Variants in GUCY2C observed in about 807,000 individuals in gnomAD.
The protein encoded by GUCY2C is guanylate cyclase 2C, also known as guanylyl cyclase C.
In GUCY2C, 118 loss-of-function variants were observed where a neutral mutation model predicts 131.1. The observed-to-expected ratio is 0.90, with a 90% confidence interval of 0.78 to 1.05. The LOEUF is 1.05. Ranked by LOEUF, GUCY2C falls within the 50% of genes least tolerant of loss-of-function variation. GUCY2C has a pLI of 0.00. For missense variants in GUCY2C, 1,161 were observed against 1,304.4 expected, an observed-to-expected ratio of 0.89 and a Z score of 1.69; for synonymous variants, 452 against 457.8, an observed-to-expected ratio of 0.99 and a Z score of 0.16.
intron 19 of GUCY2C, among the ~76,000 whole-genome samples, chr12:14,630,103 T>C (rs553475109): frequency 2.1e-4 from 32 of 152,008 alleles, no homozygotes; most frequent in Admixed American, 3.9e-4. Context: ...GCAGCTTTTT[T>C]TTTTTTAAAT....
At position 14,636,905 on chromosome 12, in the gene GUCY2C, A is replaced by G. The variant is rs938987203; in HGVS notation, c.2157+2957T>C. Among the ~76,000 whole-genome samples, 5 of 152,056 alleles carry G rather than the reference A, an allele frequency of 3.3e-5. No homozygotes were observed. The East Asian group carries it at 5.8e-4, about 18-fold the overall frequency. The stretch of plus-strand genomic sequence containing the variant: ...GGAGTTCGAGACAAGCCTGGGCAAC[A>G]TGGTGAAACCCCGTCTCTACTAAAA... On this transcript the variant is annotated intron_variant, in intron 19 of 26. Coordinates refer to ENST00000261170, the MANE Select transcript of GUCY2C (RefSeq NM_004963.4).
intron 19 of GUCY2C, among the ~76,000 whole-genome samples, chr12:14,633,194 T>C (rs1450420553): frequency 2.6e-5 from 4 of 152,138 alleles, no homozygotes; most frequent in Non-Finnish European, 5.9e-5. Context: ...CTGGCACCAG[T>C]GCCTCCAAGG....
chr12:14,616,840 C>A (rs1371859666), intron 24 of GUCY2C, 113 bp from the exon 25 acceptor site: 24 of 710,106 alleles, frequency 3.4e-5, no homozygotes, highest in Non-Finnish European at 7.7e-6. Flanking sequence ...CAAGAAGAAA[C>A]AATTGTGGCT....
chr12:14,640,653 G>A (rs1348056421), intron 18 of GUCY2C, among the ~76,000 whole-genome samples: 2 of 152,112 alleles, frequency 1.3e-5, no homozygotes, highest in Non-Finnish European at 2.9e-5. Context: ...TAAATGCTCA[G>A]TAAGTGAGGA....
At chr12:14,637,427 G>A (rs1947294295) in intron 19 of GUCY2C, among the ~76,000 whole-genome samples, 1 of 151,962 alleles carries the variant, frequency 6.6e-6, no homozygotes, top group Non-Finnish European at 1.5e-5. Flanking sequence ...CACAGAAATG[G>A]AAAAAACAAT....
At chr12:14,687,143 T>TA (rs1306743823) in intron 2 of GUCY2C, among the ~76,000 whole-genome samples, 4 of 152,190 alleles carry the variant, frequency 2.6e-5, no homozygotes, top group Non-Finnish European at 2.9e-5. Context: ...ACATTGAAGT[T>TA]ACTACTTTAA....
At chr12:14,622,293 A>G (rs1184951752) in intron 21 of GUCY2C, 96 bp from the exon 22 acceptor site, 1 of 732,380 alleles carries the variant, frequency 1.4e-6, no homozygotes, top group African/African-American at 1.8e-5. Context: ...TCTACCAAGA[A>G]TTCTAGAATT....
chr12:14,629,564 T>C (rs1481486570), intron 19 of GUCY2C, among the ~76,000 whole-genome samples: 1 of 152,230 alleles, frequency 6.6e-6, no homozygotes, highest in Non-Finnish European at 1.5e-5. Flanking sequence ...GCCTTCTCCC[T>C]GTAACTGGTT....
In GUCY2C at chr12:14,685,863, C is replaced by T. The variant is rs181675109; in HGVS notation, c.395+298G>A. ...TTTTGTGAATATTTTATTTATTAAACGCCTCAAATTATCCAATTTCACTGT... is the reference window on the plus strand; with the variant it reads ...TTTTGTGAATATTTTATTTATTAAATGCCTCAAATTATCCAATTTCACTGT... On this transcript the variant is annotated intron_variant, in intron 3 of 26. Coordinates refer to ENST00000261170, the MANE Select transcript of GUCY2C (RefSeq NM_004963.4). Among the ~76,000 whole-genome samples, 134 of 152,228 alleles carry T rather than the reference C, an allele frequency of 8.8e-4. 1 individual carries two copies. The highest frequency in any genetic ancestry group is 3.0e-3 in the African/African-American group (125 of 41,532).
intron 10 of GUCY2C, among the ~76,000 whole-genome samples, chr12:14,665,275 T>C (rs1343640424): frequency 6.7e-6 from 1 of 150,286 alleles, no homozygotes; most frequent in Non-Finnish European, 1.5e-5. Context: ...ATCTTGAGGA[T>C]GAGTAGATGT....
intron 10 of GUCY2C, among the ~76,000 whole-genome samples, chr12:14,664,439 A>G (rs1340269192): frequency 2.0e-5 from 3 of 152,082 alleles, no homozygotes; most frequent in Non-Finnish European, 4.4e-5. Flanking sequence ...GCCCACCTCA[A>G]TTCTCTGCCT....
chr12:14,685,315 C>T (rs1476291641), intron 3 of GUCY2C, among the ~76,000 whole-genome samples: 1 of 152,142 alleles, frequency 6.6e-6, no homozygotes, highest in African/African-American at 2.4e-5. Flanking sequence ...GCTCAGTGAA[C>T]CTGAGCATCT....
At chr12:14,691,601 C>T (rs1948575297) in intron 1 of GUCY2C, among the ~76,000 whole-genome samples, 1 of 152,140 alleles carries the variant, frequency 6.6e-6, no homozygotes, top group African/African-American at 2.4e-5. Flanking sequence ...CTTGCAGCTC[C>T]TCTCTCTTGA....
At chr12:14,683,650 C>T (rs1013996287) in intron 3 of GUCY2C, among the ~76,000 whole-genome samples, 3 of 152,156 alleles carry the variant, frequency 2.0e-5, no homozygotes, top group Non-Finnish European at 1.5e-5. Context: ...TGCCTTCTCC[C>T]CAGCTTGTTC....
intron 15 of GUCY2C, among the ~76,000 whole-genome samples, chr12:14,650,826 T>A (rs1947639374): frequency 6.6e-6 from 1 of 152,196 alleles, no homozygotes; most frequent in African/African-American, 2.4e-5. Context: ...ATGAAATAAC[T>A]TTTAAAAGAG....
chr12:14,681,364 T>C lies in GUCY2C; in HGVS notation c.725A>G (p.Lys242Arg), dbSNP rs761013103. The change falls in exon 5 of 27, where the codon AAA becomes AGA. Residue 242 changes from lysine to arginine, a missense_variant. By Grantham distance (26) the Lys-to-Arg change is conservative (BLOSUM62 2). Coordinates refer to ENST00000261170, the MANE Select transcript of GUCY2C (RefSeq NM_004963.4). ...FQDILMDHNR[K>R]SNVIIMCGGP... is the part of the protein sequence containing the mutation. ...TCTTCATGTCTTCTTACCATTGCTT[T>C]TCCTGTTGTGGTCCATTAAGATATC... is the stretch of plus-strand genomic sequence containing the variant. 4 of 1,612,802 alleles carry C rather than the reference T, an allele frequency of 2.5e-6. No homozygotes were observed. Among genetic ancestry groups the C allele is most frequent in the Non-Finnish European group, 3.4e-6 (4 of 1,178,998 alleles).
chr12:14,634,194 C>G (rs1032556947), intron 19 of GUCY2C, among the ~76,000 whole-genome samples: 5 of 152,188 alleles, frequency 3.3e-5, no homozygotes. Context: ...AATTTCTCAG[C>G]AGAAACATTA....
At position 14,612,901 on chromosome 12, in the gene GUCY2C, G is replaced by A. The variant is rs1946677685; in HGVS notation, c.*216C>T. 2 of 461,150 alleles carry A rather than the reference G, an allele frequency of 4.3e-6. No homozygotes were observed. Among genetic ancestry groups the A allele is most frequent in the Non-Finnish European group, 3.9e-6 (1 of 258,086 alleles). The allele number at this position is 461,150 out of a possible 1,614,324, so 28.6% of individuals were successfully genotyped here. On this transcript the variant is annotated 3_prime_UTR_variant, in exon 27 of 27. Coordinates refer to ENST00000261170, the MANE Select transcript of GUCY2C (RefSeq NM_004963.4). ...CAGGTAGAAGCTCCCTGGAACAACT[G>A]CTGGAATAAGGTTCCAGAGTGGAAG...
At chr12:14,691,932 A>G (rs1270412230) in intron 1 of GUCY2C, among the ~76,000 whole-genome samples, 1 of 152,316 alleles carries the variant, frequency 6.6e-6, no homozygotes, top group East Asian at 1.9e-4. Context: ...CCTTCAAGGT[A>G]ATATTTTGTC....
Sources: gnomAD v4.1 joint callset for allele counts (sites outside exome capture counted in the v4.1 genomes callset) on GRCh38, gnomAD v4.1.1 for gene constraint, MANE v1.5 for transcripts, NCBI Gene and HGNC (gene_info 2026-07-23, HGNC 2026-07-21) for gene names.